Variants in DNAJC13 observed in about 807,000 individuals in gnomAD.
DNAJC13 encodes the protein DnaJ heat shock protein family (Hsp40) member C13.
DNAJC13 carries 75 observed loss-of-function variants against 290.5 expected under a neutral mutation model. The observed-to-expected ratio is 0.26, with a 90% CI of 0.21 to 0.31. The LOEUF (loss-of-function observed/expected upper bound fraction) is 0.31. Among genes scored for constraint, DNAJC13 ranks in the 10% least tolerant of loss-of-function variants. DNAJC13 has a pLI of 1.00. For missense variants in DNAJC13, 2,260 were observed against 2,674.5 expected, an observed-to-expected ratio of 0.85 and a Z score of 3.42; for synonymous variants, 862 against 892.0, an observed-to-expected ratio of 0.97 and a Z score of 0.60.
At chr3:132,526,375 A>G in intron 53 of DNAJC13, 94 bp downstream of exon 53, 1 of 1,495,410 alleles carries the variant, frequency 6.7e-7, no homozygotes, top group Non-Finnish European at 9.1e-7. Flanking sequence ...TCCTTGACTT[A>G]AGGTTGGTGA....
chr3:132,493,004 A>G (rs1935114124), intron 33 of DNAJC13, among the ~76,000 whole-genome samples: 1 of 152,098 alleles, frequency 6.6e-6, no homozygotes, highest in Admixed American at 6.6e-5. Flanking sequence ...TGGGCCATTA[A>G]TATTTAATAA....
intron 22 of DNAJC13, among the ~76,000 whole-genome samples, chr3:132,476,762 G>A (rs1209888302): frequency 1.3e-5 from 2 of 152,170 alleles, no homozygotes; most frequent in East Asian, 3.8e-4. Flanking sequence ...CCTCTGCTTA[G>A]AATAAGGGTT....
At position 132,446,528 on chromosome 3, in the gene DNAJC13, A is replaced by G; in HGVS notation, c.122A>G (p.Asn41Ser). 1 of 1,607,320 alleles carries G rather than the reference A, an allele frequency of 6.2e-7. No homozygotes were observed. The highest frequency in any genetic ancestry group is 8.5e-7 in the Non-Finnish European group (1 of 1,177,470). Residue 41 changes from asparagine (N) to serine (S), a missense_variant, in exon 3 of 56, where the codon AAT (asparagine) becomes AGT (serine). Physicochemically the swap from Asn to Ser is conservative, Grantham distance 46 (BLOSUM62 1). Around this residue, in one of 3 missense-constraint regions of DNAJC13, gnomAD observed 762 missense variants for 964.1 expected, o/e 0.79. Transcript: ENST00000260818. ...GTHAITTYNP[N>S]TLEVTNQWPY... ...CATGCGATTACTACATATAATCCCAATACCTTAGAAGTAACAAATCAGGTA... is the reference window on the plus strand; with the variant it reads ...CATGCGATTACTACATATAATCCCAGTACCTTAGAAGTAACAAATCAGGTA...
At chr3:132,421,824 G>A (rs1475429290) in intron 1 of DNAJC13, among the ~76,000 whole-genome samples, 1 of 152,094 alleles carries the variant, frequency 6.6e-6, no homozygotes, top group East Asian at 1.9e-4. Context: ...TATTAGCATT[G>A]TCAGAAAAGA....
rs143288170 is a variant in DNAJC13, at chr3:132,524,345, G to C, written c.6060+632G>C. ...GACCTACATGATTGTTGTTTAAACA[G>C]GCTGGCTACAGAATAAGGTGATTAA... is the stretch of plus-strand genomic sequence containing the variant. On this transcript the variant is annotated intron_variant, in intron 51 of 55. Coordinates refer to ENST00000260818, the MANE Select transcript of DNAJC13 (RefSeq NM_015268.4). Among the ~76,000 whole-genome samples the C allele has an allele frequency of 1.1e-3, 171 of 152,316 alleles. 1 individual carries two copies. Among genetic ancestry groups the C allele is most frequent in the African/African-American group, 4.0e-3 (165 of 41,576 alleles).
At chr3:132,418,808 T>C (rs1289671226) in intron 1 of DNAJC13, among the ~76,000 whole-genome samples, 7 of 152,178 alleles carry the variant, frequency 4.6e-5, no homozygotes, top group Admixed American at 4.6e-4. Flanking sequence ...ACTTGATAGG[T>C]TTCTAGGTTT....
intron 39 of DNAJC13, 100 bp downstream of exon 39, chr3:132,501,013 A>T (rs1310702049): frequency 7.3e-7 from 1 of 1,375,746 alleles, no homozygotes; most frequent in East Asian, 2.4e-5. Context: ...TCCCAAAGTT[A>T]TTTGTAAGTA....
chr3:132,476,311 A>G (rs954198552), intron 22 of DNAJC13, among the ~76,000 whole-genome samples: 2 of 152,138 alleles, frequency 1.3e-5, no homozygotes, highest in African/African-American at 4.8e-5. Context: ...TACAGTCTTT[A>G]TGATCTTAGA....
intron 33 of DNAJC13, among the ~76,000 whole-genome samples, chr3:132,493,496 C>T (rs1935129220): frequency 6.6e-6 from 1 of 151,816 alleles, no homozygotes; most frequent in Non-Finnish European, 1.5e-5. Flanking sequence ...GGGAAACATG[C>T]AGCTAGCTCT....
At chr3:132,534,842 G>C (rs970825828) in intron 55 of DNAJC13, among the ~76,000 whole-genome samples, 1 of 152,120 alleles carries the variant, frequency 6.6e-6, no homozygotes. Flanking sequence ...TGCTTGAGTT[G>C]CCAAATGTTT....
intron 55 of DNAJC13, among the ~76,000 whole-genome samples, chr3:132,531,649 T>C (rs1259654712): frequency 6.6e-6 from 1 of 151,956 alleles, no homozygotes; most frequent in Non-Finnish European, 1.5e-5. Flanking sequence ...TACAAAAAAT[T>C]AGCCAGGCGT....
At chr3:132,423,600 T>A (rs1373600093) in intron 1 of DNAJC13, among the ~76,000 whole-genome samples, 1 of 152,218 alleles carries the variant, frequency 6.6e-6, no homozygotes, top group Non-Finnish European at 1.5e-5. Context: ...TTTGCTTTTT[T>A]AAGATAATTT....
rs1934753254 is a variant in DNAJC13 at position 132,483,595 on chromosome 3, G to A, written c.3182+18G>A. 2 of 1,607,996 alleles carry A rather than the reference G, an allele frequency of 1.2e-6. No individual in the cohort carries two copies. The highest frequency in any genetic ancestry group is 1.7e-6 in the Non-Finnish European group (2 of 1,174,714). On this transcript the variant is annotated intron_variant, in intron 28 of 55. Transcript: ENST00000260818. ...CCAAGCAGGTAAAATGTAATTGAAT[G>A]TTTCCATGGTTAATTGATATGCTTC... is the stretch of plus-strand genomic sequence containing the variant.
At chr3:132,535,123 T>G (rs1015801662) in intron 55 of DNAJC13, among the ~76,000 whole-genome samples, 2 of 152,174 alleles carry the variant, frequency 1.3e-5, no homozygotes, top group East Asian at 3.8e-4. Context: ...TATCTTTAGG[T>G]GAGTTTGGCA....
intron 1 of DNAJC13, among the ~76,000 whole-genome samples, chr3:132,425,973 C>G (rs1939079488): frequency 6.6e-6 from 1 of 152,138 alleles, no homozygotes. Flanking sequence ...TCACTGGACT[C>G]CCAAATCCTG....
intron 15 of DNAJC13, among the ~76,000 whole-genome samples, 181 bp downstream of exon 15, chr3:132,461,386 C>A (rs1200827086): frequency 6.6e-6 from 1 of 151,562 alleles, no homozygotes; most frequent in Non-Finnish European, 1.5e-5. Context: ...CTAACACTAA[C>A]AATATCTGAT....
chr3:132,439,440 T>G (rs762647319), intron 2 of DNAJC13, among the ~76,000 whole-genome samples: 3 of 124,184 alleles, frequency 2.4e-5, no homozygotes, highest in Non-Finnish European at 5.7e-5. Context: ...GTTTTTTTTG[T>G]TTTTTTTTTT....
intron 41 of DNAJC13, 49 bp from the exon 42 acceptor site, chr3:132,505,247 TAATGTC>T: frequency 9.0e-7 from 1 of 1,107,502 alleles, no homozygotes; most frequent in South Asian, 1.3e-5. Flanking sequence ...TAATAAGTGA[TAATGTC>T]AATAAGTTTT....
intron 48 of DNAJC13, among the ~76,000 whole-genome samples, chr3:132,517,855 A>G (rs1935964022): frequency 6.6e-6 from 1 of 152,204 alleles, no homozygotes; most frequent in South Asian, 2.1e-4. Context: ...CAGTCTAGGT[A>G]TTGAGAATCT....
Sources: gnomAD v4.1 joint callset for allele counts (sites outside exome capture counted in the v4.1 genomes callset) on GRCh38, gnomAD v4.1.1 for gene constraint, gnomAD v4.1.1 regional missense constraint, MANE v1.5 for transcripts, NCBI Gene and HGNC (gene_info 2026-07-23, HGNC 2026-07-21) for gene names.